CARMIL2: variants seen among roughly 807,000 people sequenced by gnomAD.
CARMIL2 encodes the protein capping protein, Arp2/3 and myosin-I linker protein 2.
A neutral mutation model predicts 173.3 loss-of-function variants in CARMIL2; 96 were observed. The observed-to-expected ratio is 0.55, with a 90% confidence interval of 0.47 to 0.66. The LOEUF is 0.66. CARMIL2 is among the 30% of genes least tolerant of loss of function. CARMIL2 has a pLI of 0.00. For missense variants in CARMIL2, 1,771 were observed against 1,906.7 expected, an observed-to-expected ratio of 0.93 and a Z score of 1.33; for synonymous variants, 830 against 817.1, an observed-to-expected ratio of 1.02 and a Z score of -0.27.
rs1240662885 is a variant in CARMIL2 at position 67,648,494 on chromosome 16, C to T, written c.1431C>T (p.Asp477=). ...LGLAGCKLPP[D]ALRALLDGLA... Reference sequence around the variant, plus strand: ...TGGCGGGCTGCAAGCTGCCGCCCGACGCGCTCAGGTCAGTGTCGGACCCCG... The same window carrying T: ...TGGCGGGCTGCAAGCTGCCGCCCGATGCGCTCAGGTCAGTGTCGGACCCCG... Residue 477 remains aspartate (D), a synonymous_variant, in exon 15 of 38, where the codon GAC becomes GAT. Coordinates refer to ENST00000334583, the MANE Select transcript of CARMIL2 (RefSeq NM_001013838.3). This position sits in a 1 kb window ranked among gnomAD's most constrained non-coding sequence, Gnocchi z 6.1. The T allele has an allele frequency of 1.7e-5, 24 of 1,439,550 alleles. No individual in the cohort carries two copies. The highest frequency in any genetic ancestry group is 2.2e-5 in the Non-Finnish European group (24 of 1,102,582). 89.2% of individuals were successfully genotyped at this position (1,439,550 alleles called of 1,614,324 possible). A position where few individuals can be genotyped will look rare whatever the true frequency, so the allele number is the denominator to read the frequency against.
chr16:67,645,901 C>A, intron 3 of CARMIL2, 117 bp from the exon 4 acceptor site: 1 of 1,552,164 alleles, frequency 6.4e-7, no homozygotes, highest in African/African-American at 1.4e-5. Flanking sequence ...GGGCTCTGGG[C>A]AGCCGACAGG....
intron 32 of CARMIL2, 63 bp from the exon 33 acceptor site, chr16:67,655,968 G>T: frequency 1.3e-6 from 2 of 1,543,778 alleles, no homozygotes; most frequent in South Asian, 1.2e-5. Flanking sequence ...GAACAAGAAC[G>T]AACAAAAGGC....
In CARMIL2 at chr16:67,645,199, TG is replaced by T. The variant is rs756461278; in HGVS notation, c.-47del. ...GCTTCCTGTGTGCGCGCTCGTCCTCTGCTGTTTCCCGCCGGAGCTCGTTGGG... is the reference window on the plus strand; with the variant it reads ...GCTTCCTGTGTGCGCGCTCGTCCTCTCTGTTTCCCGCCGGAGCTCGTTGGG... On this transcript the variant is annotated 5_prime_UTR_variant, in exon 1 of 38. Coordinates refer to ENST00000334583, the MANE Select transcript of CARMIL2 (RefSeq NM_001013838.3). The T allele has an allele frequency of 1.1e-5, 17 of 1,500,560 alleles. No homozygotes were observed. The highest frequency in any genetic ancestry group is 1.4e-5 in the Non-Finnish European group (16 of 1,105,920). 93.0% of individuals were successfully genotyped at this position (1,500,560 alleles called of 1,614,324 possible). A position where few individuals can be genotyped will look rare whatever the true frequency, so the allele number is the denominator to read the frequency against.
In CARMIL2 at chr16:67,651,312, C is replaced by G. The variant is rs761383744; in HGVS notation, c.2310C>G (p.Leu770=). The G allele has an allele frequency of 3.6e-5, 58 of 1,613,340 alleles. No homozygotes were observed. The highest frequency in any genetic ancestry group is 4.1e-5 in the Non-Finnish European group (48 of 1,179,718). ...EDAIQNANFS[L]SILPILYEAG... ...CCATCCAAAATGCCAACTTCTCTCT[C>G]AGCGTGAGCACTCCCCCTCCTGCTA... is the stretch of plus-strand genomic sequence containing the variant. Residue 770 remains leucine (L), a synonymous_variant, in exon 23 of 38, where the codon CTC becomes CTG. Coordinates refer to ENST00000334583, the MANE Select transcript of CARMIL2 (RefSeq NM_001013838.3). This position sits in a 1 kb window ranked among gnomAD's most constrained non-coding sequence, Gnocchi z 4.2.
chr16:67,654,898 CAAGT>C lies in CARMIL2; in HGVS notation c.3704_3705+2del, dbSNP rs1457511046. The C allele has an allele frequency of 6.2e-7, 1 of 1,613,532 alleles. No homozygotes were observed. The highest frequency in any genetic ancestry group is 8.5e-7 in the Non-Finnish European group (1 of 1,179,826). ...CGGGGGTGCCGAAGGCAAGAGGAAG[CAAGT>C]GAGTTGAGGGGACCTGAGCATGAAG... On this transcript the variant is annotated splice_donor_variant and coding_sequence_variant, in exon 32 of 38. Transcript: ENST00000334583. LOFTEE classifies it high-confidence loss of function.
rs2052879010 is a variant in CARMIL2 at position 67,657,154 on chromosome 16, G to A, written c.4118-85G>A. On this transcript the variant is annotated intron_variant, in intron 36 of 37. Coordinates refer to ENST00000334583, the MANE Select transcript of CARMIL2 (RefSeq NM_001013838.3). This position sits in a 1 kb window ranked among gnomAD's most constrained non-coding sequence, Gnocchi z 4.5. Reference sequence around the variant, plus strand: ...GCAGTGTGTGTGAGTGCATGCTTATGTGCACTGGAGGTGGAAGAGAGGGGC... The same window carrying A: ...GCAGTGTGTGTGAGTGCATGCTTATATGCACTGGAGGTGGAAGAGAGGGGC... 5 of 1,206,566 alleles carry A rather than the reference G, an allele frequency of 4.1e-6. No homozygotes were observed. The highest frequency in any genetic ancestry group is 1.5e-5 in the African/African-American group (1 of 66,596). 74.7% of individuals were successfully genotyped at this position (1,206,566 alleles called of 1,614,324 possible).
chr16:67,646,593 C>T lies in CARMIL2; in HGVS notation c.466+76C>T, dbSNP rs1278121974. 2 of 1,572,368 alleles carry T rather than the reference C, an allele frequency of 1.3e-6. No individual in the cohort carries two copies. Among genetic ancestry groups the T allele is most frequent in the South Asian group, 2.2e-5 (2 of 89,482 alleles). ...TCCCCAGACCCGCAAGCTGGGGGGG[C>T]CCCAAACTGAACAGAGCCATTCAGG... is the stretch of plus-strand genomic sequence containing the variant. On this transcript the variant is annotated intron_variant, in intron 6 of 37. Transcript: ENST00000334583. This position sits in a 1 kb window ranked among gnomAD's most constrained non-coding sequence, Gnocchi z 4.6.
In CARMIL2 at chr16:67,654,178, T is replaced by G; in HGVS notation, c.3150T>G (p.Asn1050Lys). Reference protein sequence around the residue: ...QVPPALPQEGNGLSARVDEGV... With the variant: ...QVPPALPQEGKGLSARVDEGV... ...CCCCAGCCTTGCCGCAGGAAGGGAA[T>G]GGGCTCAGTGCCCGCGTGGACGAGG... The change falls in exon 30 of 38, where the codon AAT becomes AAG. Residue 1050 changes from asparagine to lysine, a missense_variant. Asn to Lys is a moderately conservative substitution (Grantham distance 94). Around this residue, in one of 3 missense-constraint regions of CARMIL2, gnomAD observed 817 missense variants for 903.5 expected, o/e 0.90. Coordinates refer to ENST00000334583, the MANE Select transcript of CARMIL2 (RefSeq NM_001013838.3). 6.5e-7 allele frequency: 1 copy of G among 1,546,896 alleles called. No homozygotes were observed. Among genetic ancestry groups the G allele is most frequent in the East Asian group, 2.5e-5 (1 of 40,800 alleles).
At position 67,656,901 on chromosome 16, in the gene CARMIL2, C is replaced by T. The variant is rs375288638; in HGVS notation, c.4117+20C>T. On this transcript the variant is annotated intron_variant, in intron 36 of 37. Transcript: ENST00000334583. ...CTGCTGGTGAGGGGAGACACCTCCA[C>T]GTGTGCTTGAATGCAGGAGATGTGG... is the stretch of plus-strand genomic sequence containing the variant. 5.4e-5 allele frequency: 82 copies of T among 1,523,132 alleles called. No individual in the cohort carries two copies. Among genetic ancestry groups the T allele is most frequent in the African/African-American group, 1.2e-4 (9 of 72,042 alleles). 94.4% of individuals were successfully genotyped at this position (1,523,132 alleles called of 1,614,324 possible). A position where few individuals can be genotyped will look rare whatever the true frequency, so the allele number is the denominator to read the frequency against.
chr16:67,655,042 C>T (rs1460164435), intron 32 of CARMIL2, 142 bp downstream of exon 32: 10 of 1,200,024 alleles, frequency 8.3e-6, no homozygotes, highest in African/African-American at 3.1e-5. Flanking sequence ...GTTACAGATT[C>T]GACCTTTCTT....
Position 67,652,061 on chromosome 16 carries a change from T to G in CARMIL2, c.2676+53T>G. The G allele has an allele frequency of 6.2e-7, 1 of 1,606,262 alleles. No homozygotes were observed. The highest frequency in any genetic ancestry group is 2.2e-5 in the East Asian group (1 of 44,836). On this transcript the variant is annotated intron_variant, in intron 26 of 37. Transcript: ENST00000334583. The surrounding 1 kb of genome is among the most constrained non-coding windows in gnomAD (Gnocchi z 4.7). ...GTGCAAACACACACATGCAGTGACT[T>G]GGCCATCTCCCTTGCAGGGGCTCTG...
In CARMIL2 at chr16:67,648,136, G is replaced by A; in HGVS notation, c.1156G>A (p.Gly386Arg). ...CGACACTGCCCTGGACACTGTGAGG[G>A]GGTGCTCCGTGGGGGGATGGATGAC... ...GTDTALDTVR[G>R]CSVGGWMTGR... is the part of the protein sequence containing the mutation. The change falls in exon 14 of 38, where the codon GGG becomes AGG. Residue 386 changes from glycine (G) to arginine (R), a missense_variant. Coordinates refer to ENST00000334583, the MANE Select transcript of CARMIL2 (RefSeq NM_001013838.3). This position sits in a 1 kb window ranked among gnomAD's most constrained non-coding sequence, Gnocchi z 6.1. The A allele has an allele frequency of 1.2e-6, 2 of 1,612,928 alleles. No individual in the cohort carries two copies. Among genetic ancestry groups the A allele is most frequent in the East Asian group, 2.2e-5 (1 of 44,848 alleles).
In CARMIL2 at chr16:67,648,448, G is replaced by A. The variant is rs1420024920; in HGVS notation, c.1385G>A (p.Arg462Gln). 1 of 1,468,034 alleles carries A rather than the reference G, an allele frequency of 6.8e-7. No homozygotes were observed. The highest frequency in any genetic ancestry group is 8.9e-7 in the Non-Finnish European group (1 of 1,118,992). 90.9% of individuals were successfully genotyped at this position (1,468,034 alleles called of 1,614,324 possible). Residue 462 changes from arginine (R) to glutamine (Q), a missense_variant, in exon 15 of 38, where the codon CGG (arginine) becomes CAG (glutamine). Arg to Gln is a conservative substitution (Grantham distance 43). This residue lies in a region of CARMIL2 where 944 missense variants were observed against 975.6 expected (regional missense o/e 0.97). Coordinates refer to ENST00000334583, the MANE Select transcript of CARMIL2 (RefSeq NM_001013838.3). This position sits in a 1 kb window ranked among gnomAD's most constrained non-coding sequence, Gnocchi z 6.1. Reference sequence around the variant, plus strand: ...CTGCAGCTCTTCCTCAGCCGCGCGCGGACGCTGCGGCACCTGGGCCTGGCG... The same window carrying A: ...CTGCAGCTCTTCCTCAGCCGCGCGCAGACGCTGCGGCACCTGGGCCTGGCG... ...AALQLFLSRA[R>Q]TLRHLGLAGC... is the part of the protein sequence containing the mutation.
In CARMIL2 at chr16:67,648,597, TC is replaced by T. The variant is rs1410885804; in HGVS notation, c.1440-83del. 3 of 1,350,984 alleles carry T rather than the reference TC, an allele frequency of 2.2e-6. No individual in the cohort carries two copies. In the African/African-American group the frequency reaches 4.7e-5, roughly 21 times the overall value. 83.7% of individuals were successfully genotyped at this position (1,350,984 alleles called of 1,614,324 possible). A position where few individuals can be genotyped will look rare whatever the true frequency, so the allele number is the denominator to read the frequency against. ...TCCTGCTTCTGTCGCTCCCACAACC[TC>T]CCCCAGATCCTGGCCCTGCCTCCTT... On this transcript the variant is annotated intron_variant, in intron 15 of 37. Transcript: ENST00000334583. This position sits in a 1 kb window ranked among gnomAD's most constrained non-coding sequence, Gnocchi z 6.1.
chr16:67,646,145 C>A lies in CARMIL2; in HGVS notation c.250-41C>A. The stretch of plus-strand genomic sequence containing the variant: ...CTTCATGCTACCACCATCACCTGCG[C>A]CCATGTGTGGAGCCGAGGCCTAGTA... On this transcript the variant is annotated intron_variant, in intron 4 of 37. Coordinates refer to ENST00000334583, the MANE Select transcript of CARMIL2 (RefSeq NM_001013838.3). The surrounding 1 kb of genome is among the most constrained non-coding windows in gnomAD (Gnocchi z 4.6). 6.2e-7 allele frequency: 1 copy of A among 1,613,774 alleles called. No individual in the cohort carries two copies. The highest frequency in any genetic ancestry group is 8.5e-7 in the Non-Finnish European group (1 of 1,179,824).
In CARMIL2 at chr16:67,651,668, G is replaced by A. The variant is rs2052725343; in HGVS notation, c.2428-17G>A. 4.4e-6 allele frequency: 7 copies of A among 1,603,288 alleles called. No homozygotes were observed. Among genetic ancestry groups the A allele is most frequent in the Non-Finnish European group, 6.0e-6 (7 of 1,175,590 alleles). On this transcript the variant is annotated splice_polypyrimidine_tract_variant and intron_variant, in intron 24 of 37. Transcript: ENST00000334583. This position sits in a 1 kb window ranked among gnomAD's most constrained non-coding sequence, Gnocchi z 4.2. ...TCTGGCCACATCCTCACCATGCTCT[G>A]ACTGACCTTTGTCTAGGACTTCACT...
chr16:67,646,053 C>T lies in CARMIL2; in HGVS notation c.222C>T (p.Ala74=), dbSNP rs753812293. The change falls in exon 4 of 38, where the codon GCC becomes GCT. Residue 74 remains alanine (A), a synonymous_variant. Coordinates refer to ENST00000334583, the MANE Select transcript of CARMIL2 (RefSeq NM_001013838.3). This position sits in a 1 kb window ranked among gnomAD's most constrained non-coding sequence, Gnocchi z 4.6. ...CGTTCAGCTACCTGGAGGTCCAGGC[C>T]ATGGCGCTGCAGGAGACACCCCCTC... ...DCTFSYLEVQ[A]MALQETPPQV... The T allele has an allele frequency of 6.2e-7, 1 of 1,613,810 alleles. No individual in the cohort carries two copies. Among genetic ancestry groups the T allele is most frequent in the East Asian group, 2.2e-5 (1 of 44,888 alleles).
Position 67,648,391 on chromosome 16 carries a change from C to T in CARMIL2, c.1335-7C>T. On this transcript the variant is annotated splice_region_variant and splice_polypyrimidine_tract_variant and intron_variant, in intron 14 of 37. Transcript: ENST00000334583. The surrounding 1 kb of genome is among the most constrained non-coding windows in gnomAD (Gnocchi z 6.1). ...CGGCCCCAGGCCCACCTTCCCACTT[C>T]CCCCAGGAAGTCCCGCGCCGCGCCG... 6.5e-7 allele frequency: 1 copy of T among 1,534,990 alleles called. No homozygotes were observed. The highest frequency in any genetic ancestry group is 8.7e-7 in the Non-Finnish European group (1 of 1,146,968).
In CARMIL2 at chr16:67,645,731, T is replaced by C; in HGVS notation, c.140T>C (p.Leu47Pro). Residue 47 changes from leucine (L) to proline (P), a missense_variant, in exon 3 of 38, where the codon CTA becomes CCA. Physicochemically the swap from Leu to Pro is moderately conservative, Grantham distance 98. Transcript: ENST00000334583. ...CAGACTGTCTTTCCCCAGGCACTGCTACGATGGAGAGCCTACCTGCTGCAC... is the reference window on the plus strand; with the variant it reads ...CAGACTGTCTTTCCCCAGGCACTGCCACGATGGAGAGCCTACCTGCTGCAC... ...GAVQNHVLAL[L>P]RWRAYLLHTT... The C allele has an allele frequency of 6.2e-7, 1 of 1,613,340 alleles. No individual in the cohort carries two copies. The highest frequency in any genetic ancestry group is 8.5e-7 in the Non-Finnish European group (1 of 1,179,892).
Sources: gnomAD v4.1 joint callset for allele counts on GRCh38, gnomAD v4.1.1 for gene constraint, gnomAD v4.1.1 regional missense constraint, Gnocchi (gnomAD v3.1) non-coding constraint, MANE v1.5 for transcripts, NCBI Gene and HGNC (gene_info 2026-07-23, HGNC 2026-07-21) for gene names.